PALM2AKAP2: variants seen among roughly 807,000 people sequenced by gnomAD.
PALM2AKAP2 encodes PALM2-AKAP2 fusion protein.
A neutral mutation model predicts 71.5 loss-of-function variants in PALM2AKAP2; 37 were observed. The observed-to-expected ratio is 0.52, with a 90% CI of 0.40 to 0.68. PALM2AKAP2 has a LOEUF of 0.68. Ranked by LOEUF, PALM2AKAP2 falls within the 30% of genes least tolerant of loss-of-function variation. PALM2AKAP2 has a pLI of 0.00. For synonymous variants in PALM2AKAP2, 468 were observed against 478.8 expected, an observed-to-expected ratio of 0.98 and a Z score of 0.29; for missense variants, 1,224 against 1,191.8, an observed-to-expected ratio of 1.03 and a Z score of -0.40.
intron 1 of PALM2AKAP2, among the ~76,000 whole-genome samples, chr9:109,754,745 G>C (rs1178116614): frequency 6.6e-6 from 1 of 152,090 alleles, no homozygotes; most frequent in African/African-American, 2.4e-5. Flanking sequence ...AAGCTCTCTT[G>C]TGTCTCTTCT....
intron 1 of PALM2AKAP2, among the ~76,000 whole-genome samples, chr9:109,702,362 A>C (rs963310774): frequency 7.2e-5 from 11 of 152,214 alleles, no homozygotes; most frequent in Admixed American, 6.5e-5. Context: ...ACAATGATAT[A>C]CTGGATTAAG....
chr9:110,139,944 G>A lies in PALM2AKAP2; in HGVS notation c.2569+1405G>A, dbSNP rs1424097223. Among the ~76,000 whole-genome samples, 4 of 152,108 alleles carry A rather than the reference G, an allele frequency of 2.6e-5. No individual in the cohort carries two copies. The South Asian group carries it at 8.3e-4, about 32-fold the overall frequency. On this transcript the variant is annotated intron_variant, in intron 2 of 3. Coordinates refer to ENST00000374525, the Ensembl canonical transcript of PALM2AKAP2. Reference sequence around the variant, plus strand: ...CACTGTATCCAAACAGGTAGCACGTGGTATTAGTTTGTCCCATTATGGTGA... The same window carrying A: ...CACTGTATCCAAACAGGTAGCACGTAGTATTAGTTTGTCCCATTATGGTGA...
At chr9:109,670,497 A>G (rs1827557531) in intron 1 of PALM2AKAP2, among the ~76,000 whole-genome samples, 1 of 151,996 alleles carries the variant, frequency 6.6e-6, no homozygotes, top group Non-Finnish European at 1.5e-5. Flanking sequence ...TCTGTAACAC[A>G]TTTTCTTTAT....
chr9:109,985,547 G>A (rs1022245523), intron 6 of PALM2AKAP2, among the ~76,000 whole-genome samples: 7 of 151,694 alleles, frequency 4.6e-5, no homozygotes, highest in African/African-American at 1.7e-4. Context: ...GTGAACCTGG[G>A]GGGTGGAGCT....
At chr9:109,865,705 C>G (rs1829431046) in intron 1 of PALM2AKAP2, among the ~76,000 whole-genome samples, 2 of 152,202 alleles carry the variant, frequency 1.3e-5, no homozygotes, top group Non-Finnish European at 2.9e-5. Context: ...CTTGAGTCAT[C>G]AGCCTCTCAT....
intron 1 of PALM2AKAP2, among the ~76,000 whole-genome samples, chr9:109,788,001 G>T (rs940790244): frequency 6.6e-6 from 1 of 152,124 alleles, no homozygotes; most frequent in East Asian, 1.9e-4. Context: ...TTGTGAGTTT[G>T]GTGTCCAGAT....
chr9:109,773,382 C>T (rs561516830), intron 1 of PALM2AKAP2, among the ~76,000 whole-genome samples: 1 of 152,262 alleles, frequency 6.6e-6, no homozygotes, highest in South Asian at 2.1e-4. Flanking sequence ...AGCTATCCTC[C>T]CACTTCAGCC....
chr9:110,105,739 G>T (rs908597821), intron 1 of PALM2AKAP2, among the ~76,000 whole-genome samples: 2 of 152,020 alleles, frequency 1.3e-5, no homozygotes, highest in Admixed American at 1.3e-4. Flanking sequence ...TCTTTTTAAT[G>T]TGAGTGGACA....
At chr9:110,135,659 T>C (rs1835846898) in intron 1 of PALM2AKAP2, among the ~76,000 whole-genome samples, 2 of 152,360 alleles carry the variant, frequency 1.3e-5, no homozygotes, top group Non-Finnish European at 2.9e-5. Flanking sequence ...AGGGATCTAC[T>C]GTTTTCCAGT....
intron 1 of PALM2AKAP2, among the ~76,000 whole-genome samples, chr9:109,788,265 C>G (rs1396707429): frequency 3.9e-5 from 6 of 152,158 alleles, no homozygotes; most frequent in Admixed American, 2.6e-4. Flanking sequence ...ATATGAAGCC[C>G]AAGCCTAACT....
At chr9:110,116,363 C>A (rs1403743370) in intron 1 of PALM2AKAP2, among the ~76,000 whole-genome samples, 1 of 151,062 alleles carries the variant, frequency 6.6e-6, no homozygotes, top group African/African-American at 2.4e-5. Context: ...CCCGTGTGTG[C>A]GTGTGTGTGT....
At chr9:110,001,915 C>G (rs1433166460) in intron 6 of PALM2AKAP2, among the ~76,000 whole-genome samples, 1 of 152,164 alleles carries the variant, frequency 6.6e-6, no homozygotes, top group Non-Finnish European at 1.5e-5. Context: ...AGATTTTGGG[C>G]TGAGATGATG....
chr9:109,794,573 T>C (rs1303457176), intron 1 of PALM2AKAP2, among the ~76,000 whole-genome samples: 1 of 152,066 alleles, frequency 6.6e-6, no homozygotes, highest in Non-Finnish European at 1.5e-5. Context: ...CCTTCCCTGT[T>C]CAGTTACCTC....
At chr9:109,716,654 G>C (rs1828325265) in intron 1 of PALM2AKAP2, among the ~76,000 whole-genome samples, 1 of 152,158 alleles carries the variant, frequency 6.6e-6, no homozygotes, top group Non-Finnish European at 1.5e-5. Context: ...TAGGGGGAAG[G>C]AATATTTCTT....
chr9:109,768,856 A>ATGCCTATAATCCTAGCACTTCAGGAT, intron 1 of PALM2AKAP2, among the ~76,000 whole-genome samples: 1 of 152,350 alleles, frequency 6.6e-6, no homozygotes, highest in Non-Finnish European at 1.5e-5. Flanking sequence ...AAGGTGGCTC[A>ATGCCTATAATCCTAGCACTTCAGGAT]TGCCTATAAT....
In PALM2AKAP2 at chr9:110,100,242, A is replaced by G. The variant is rs868179171; in HGVS notation, c.157-35885A>G. Among the ~76,000 whole-genome samples the G allele has an allele frequency of 1.1e-4, 16 of 152,076 alleles. No homozygotes were observed. In the South Asian group the frequency reaches 2.9e-3, roughly 28 times the overall value. Reference sequence around the variant, plus strand: ...CATGGGTATTATTGGGCTTAGGAAAAGGTGAAGGCTGCCTTGCTGCCGTCC... The same window carrying G: ...CATGGGTATTATTGGGCTTAGGAAAGGGTGAAGGCTGCCTTGCTGCCGTCC... On this transcript the variant is annotated intron_variant, in intron 1 of 3. Coordinates refer to ENST00000374525, the Ensembl canonical transcript of PALM2AKAP2.
Position 109,963,734 on chromosome 9 carries a change from T to C in PALM2AKAP2, c.496+31706T>C, listed in dbSNP as rs945419405. On this transcript the variant is annotated intron_variant, in intron 6 of 9. Coordinates refer to the PALM2AKAP2 transcript ENST00000302798. ...CTTCACCTCCCAAGACTCTGAATTG[T>C]CTCCTGAACGGTCCCAGCTCACATC... Among the ~76,000 whole-genome samples the C allele has an allele frequency of 2.6e-5, 4 of 152,178 alleles. No individual in the cohort carries two copies. In the East Asian group the frequency reaches 7.7e-4, roughly 29 times the overall value.
chr9:109,782,350 A>G (rs755771130), intron 1 of PALM2AKAP2, among the ~76,000 whole-genome samples: 5 of 151,580 alleles, frequency 3.3e-5, no homozygotes, highest in Non-Finnish European at 7.4e-5. Context: ...ATTCTCATGA[A>G]TGTGCACCTA....
chr9:110,076,506 T>C (rs1477666883), intron 1 of PALM2AKAP2, among the ~76,000 whole-genome samples: 1 of 143,730 alleles, frequency 7.0e-6, no homozygotes, highest in African/African-American at 2.7e-5. Context: ...TATATATATA[T>C]ATATAGGTAT....
Sources: allele counts gnomAD v4.1 joint callset (sites outside exome capture counted in the v4.1 genomes callset), GRCh38; gene constraint gnomAD v4.1.1; transcripts MANE v1.5; gene names NCBI Gene and HGNC (gene_info 2026-07-23, HGNC 2026-07-21).